The following ZNF644 variants were observed in gnomAD, a reference collection of about 807,000 sequenced individuals.
ZNF644 encodes the protein zinc finger motif enhancer binding protein 2.
In ZNF644, 20 loss-of-function variants were observed where a neutral mutation model predicts 108.0. That is an observed-to-expected ratio of 0.19 (90% CI 0.13 to 0.27). The LOEUF (loss-of-function observed/expected upper bound fraction) is 0.27. Ranked by LOEUF, ZNF644 falls within the 10% of genes least tolerant of loss-of-function variation. The pLI is 1.00. For missense variants in ZNF644, 1,338 were observed against 1,548.9 expected, an observed-to-expected ratio of 0.86 and a Z score of 2.29; for synonymous variants, 542 against 539.1, an observed-to-expected ratio of 1.01 and a Z score of -0.08.
chr1:90,918,242 C>A, intron 4 of ZNF644, 88 bp from the exon 5 acceptor site: 1 of 1,074,740 alleles, frequency 9.3e-7, no homozygotes, highest in Non-Finnish European at 1.4e-6. Context: ...TCAGACAGAC[C>A]ATCTAAATCA....
intron 4 of ZNF644, among the ~76,000 whole-genome samples, chr1:90,920,858 CTCAG>C (rs2100783674): frequency 6.6e-6 from 1 of 152,084 alleles, no homozygotes; most frequent in East Asian, 1.9e-4. Context: ...ATCTAAATGC[CTCAG>C]TGTTTTAATA....
intron 2 of ZNF644, among the ~76,000 whole-genome samples, chr1:90,949,999 C>G (rs936649599): frequency 6.6e-6 from 1 of 151,650 alleles, no homozygotes; most frequent in Admixed American, 6.6e-5. Flanking sequence ...GCGCTGGGGC[C>G]GGGGGCAGTG....
At chr1:90,979,806 T>C (rs1221693257) in intron 2 of ZNF644, among the ~76,000 whole-genome samples, 1 of 152,188 alleles carries the variant, frequency 6.6e-6, no homozygotes, top group Non-Finnish European at 1.5e-5. Context: ...ACACTTCAAA[T>C]TTCTGCAACA....
Position 90,951,687 on chromosome 1 carries a change from C to T in ZNF644, c.45-10378G>A, listed in dbSNP as rs189035652. Among the ~76,000 whole-genome samples the T allele has an allele frequency of 1.0e-3, 157 of 152,266 alleles. 1 individual carries two copies. Among genetic ancestry groups the T allele is most frequent in the African/African-American group, 3.6e-3 (150 of 41,554 alleles). ...ACTTATACTAGTTTATCCCTTCCCC[C>T]GCCTCCCATAACACTTAACACCATC... On this transcript the variant is annotated intron_variant, in intron 2 of 5. Transcript: ENST00000337393.
chr1:90,920,336 C>G (rs777916366), intron 4 of ZNF644, among the ~76,000 whole-genome samples: 1 of 151,930 alleles, frequency 6.6e-6, no homozygotes, highest in Non-Finnish European at 1.5e-5. Flanking sequence ...TACATTATAA[C>G]AACCCTTAAA....
chr1:90,973,821 C>T (rs1442271954), intron 2 of ZNF644, among the ~76,000 whole-genome samples: 1 of 152,048 alleles, frequency 6.6e-6, no homozygotes, highest in Non-Finnish European at 1.5e-5. Context: ...GCTCAGTTTG[C>T]AATCATAAAT....
At chr1:91,008,031 T>A (rs1477727660) in intron 1 of ZNF644, among the ~76,000 whole-genome samples, 1 of 152,204 alleles carries the variant, frequency 6.6e-6, no homozygotes, top group Non-Finnish European at 1.5e-5. Context: ...ACAGGATGAA[T>A]CTTTTAATCT....
At chr1:90,934,164 A>C (rs1215145987) in intron 4 of ZNF644, among the ~76,000 whole-genome samples, 2 of 152,190 alleles carry the variant, frequency 1.3e-5, no homozygotes, top group Non-Finnish European at 2.9e-5. Flanking sequence ...AGGAGGCCTA[A>C]TCCAGTAGAC....
chr1:90,979,430 G>A (rs1656333989), intron 2 of ZNF644, among the ~76,000 whole-genome samples: 1 of 152,134 alleles, frequency 6.6e-6, no homozygotes, highest in Non-Finnish European at 1.5e-5. Context: ...CTGAGACTGT[G>A]CCATTGCATT....
intron 4 of ZNF644, among the ~76,000 whole-genome samples, chr1:90,930,512 T>C (rs954190688): frequency 2.0e-5 from 3 of 152,160 alleles, no homozygotes; most frequent in African/African-American, 7.2e-5. Flanking sequence ...ACATCTAAGA[T>C]ACTACTACCA....
intron 2 of ZNF644, among the ~76,000 whole-genome samples, chr1:90,980,741 T>C (rs1034738935): frequency 2.0e-5 from 3 of 152,008 alleles, no homozygotes; most frequent in African/African-American, 4.8e-5. Flanking sequence ...ATATATAAAA[T>C]CCAAGAACAG....
intron 1 of ZNF644, among the ~76,000 whole-genome samples, chr1:90,983,480 G>C (rs1656768583): frequency 8.0e-6 from 1 of 124,620 alleles, no homozygotes; most frequent in South Asian, 2.5e-4. Flanking sequence ...ACCTCATATG[G>C]CAAAAAAAAA....
intron 1 of ZNF644, among the ~76,000 whole-genome samples, chr1:91,011,350 G>A (rs559312707): frequency 7.2e-5 from 11 of 152,022 alleles, no homozygotes; most frequent in Non-Finnish European, 1.5e-4. Flanking sequence ...TAATGAGAAA[G>A]TCTTTTCATA....
chr1:90,975,499 G>A (rs1003966251), intron 2 of ZNF644, among the ~76,000 whole-genome samples: 3 of 149,482 alleles, frequency 2.0e-5, no homozygotes, highest in East Asian at 2.0e-4. Flanking sequence ...GCGCAATGGC[G>A]CGATCTCGGC....
intron 4 of ZNF644, among the ~76,000 whole-genome samples, chr1:90,919,722 A>G (rs1649207552): frequency 6.6e-6 from 1 of 152,104 alleles, no homozygotes; most frequent in Non-Finnish European, 1.5e-5. Flanking sequence ...CTTATTAGTT[A>G]TCTCAGTCAA....
chr1:90,967,442 A>G (rs1306759286), intron 2 of ZNF644, among the ~76,000 whole-genome samples: 1 of 152,170 alleles, frequency 6.6e-6, no homozygotes, highest in African/African-American at 2.4e-5. Context: ...TCTCTCTCCT[A>G]ATGGTCCTAA....
intron 4 of ZNF644, among the ~76,000 whole-genome samples, chr1:90,919,739 C>T (rs538993759): frequency 5.3e-5 from 8 of 151,938 alleles, no homozygotes; most frequent in Non-Finnish European, 8.8e-5. Context: ...TCAAGAGCCT[C>T]GCATGTAGTA....
At chr1:91,011,407 C>T (rs1659950381) in intron 1 of ZNF644, among the ~76,000 whole-genome samples, 1 of 152,100 alleles carries the variant, frequency 6.6e-6, no homozygotes, top group South Asian at 2.1e-4. Flanking sequence ...ACCAGATATA[C>T]TAGAATGTGA....
chr1:90,955,130 T>G (rs1363798917), intron 2 of ZNF644, among the ~76,000 whole-genome samples: 3 of 152,220 alleles, frequency 2.0e-5, no homozygotes, highest in Non-Finnish European at 4.4e-5. Context: ...ATGAGCATAT[T>G]TCGAAAAGGA....
Sources: allele counts gnomAD v4.1 joint callset (sites outside exome capture counted in the v4.1 genomes callset), GRCh38; gene constraint gnomAD v4.1.1; transcripts MANE v1.5; gene names NCBI Gene and HGNC (gene_info 2026-07-23, HGNC 2026-07-21).